CYTH3: variants seen among roughly 807,000 people sequenced by gnomAD.
The protein encoded by CYTH3 is cytohesin 3, also known as cytohesin-3.
Under a neutral mutation model 55.1 loss-of-function variants are expected in CYTH3, and 23 were observed. That is an observed-to-expected ratio of 0.42 (90% CI 0.30 to 0.59). The LOEUF (loss-of-function observed/expected upper bound fraction) is 0.59, where lower values mean the gene tolerates loss of function less well. Ranked by LOEUF, CYTH3 falls within the 20% of genes least tolerant of loss-of-function variation. The probability of loss-of-function intolerance (pLI) is 0.20; values close to 1 mark genes in which losing one functional copy is unlikely to be tolerated. For synonymous variants in CYTH3, 249 were observed against 194.9 expected (o/e 1.28, Z -2.31); for missense variants, 413 against 524.8 (o/e 0.79, Z 2.08).
intron 4 of CYTH3, among the ~76,000 whole-genome samples, chr7:6,185,057 T>C (rs1478436515): frequency 6.6e-6 from 1 of 152,194 alleles, no homozygotes; most frequent in Non-Finnish European, 1.5e-5. Flanking sequence ...CCAATGCTTA[T>C]TACATCTGCT....
Position 6,170,860 on chromosome 7 carries a change from C to T in CYTH3, c.681G>A (p.Glu227=). The T allele has an allele frequency of 1.9e-6, 3 of 1,613,128 alleles. No homozygotes were observed. Among genetic ancestry groups the T allele is most frequent in the South Asian group, 1.1e-5 (1 of 90,992 alleles). The change falls in exon 8 of 13, where the codon GAG becomes GAA. Residue 227 remains glutamate, a synonymous_variant. Coordinates refer to ENST00000350796, the MANE Select transcript of CYTH3 (RefSeq NM_004227.4). This position sits in a 1 kb window ranked among gnomAD's most constrained non-coding sequence, Gnocchi z 7.8. ...GCAGCTCCTCAGGGAGGTCCCCGCC[C>T]TCGTTGATGCCGCGGTTCATGGCGA... is the stretch of plus-strand genomic sequence containing the variant. The part of the protein sequence containing the change: ...RFIAMNRGIN[E]GGDLPEELLR...
chr7:6,231,782 AT>A (rs1779396532), intron 1 of CYTH3, among the ~76,000 whole-genome samples: 1 of 152,208 alleles, frequency 6.6e-6, no homozygotes, highest in Non-Finnish European at 1.5e-5. Context: ...CCCATTTATA[AT>A]TGGAAAATTG....
At chr7:6,242,328 G>A (rs902645302) in intron 1 of CYTH3, among the ~76,000 whole-genome samples, 1 of 150,482 alleles carries the variant, frequency 6.6e-6, no homozygotes, top group Non-Finnish European at 1.5e-5. Context: ...CACCCGCCTC[G>A]GCCTCCCAAA....
chr7:6,198,741 T>A (rs1438825971), intron 1 of CYTH3, among the ~76,000 whole-genome samples: 1 of 147,470 alleles, frequency 6.8e-6, no homozygotes, highest in African/African-American at 2.5e-5. Flanking sequence ...AGGCATACAA[T>A]GAAAACTTCC....
chr7:6,173,152 C>A (rs1783247109), intron 6 of CYTH3: 1 of 808,354 alleles, frequency 1.2e-6, no homozygotes, highest in South Asian at 4.9e-5. Flanking sequence ...AGCGAGACAA[C>A]TTCCTGCTTG....
chr7:6,247,671 A>T (rs1779855608), intron 1 of CYTH3, among the ~76,000 whole-genome samples: 1 of 151,944 alleles, frequency 6.6e-6, no homozygotes, highest in African/African-American at 2.4e-5. Context: ...TATTTTTGAG[A>T]CAGGGTCTGT....
rs186227188 is a variant in CYTH3 at position 6,213,697 on chromosome 7, C to A, written c.35-23166G>T. 1.1e-4 allele frequency among the ~76,000 whole-genome samples: 17 copies of A among 152,058 alleles called. No homozygotes were observed. The East Asian group carries it at 2.7e-3, about 24-fold the overall frequency. ...TATCTCACAGCTTTGGTGCTCTCTT[C>A]GGGTGTCTGAAGACACAATCTCATG... On this transcript the variant is annotated intron_variant, in intron 1 of 12. Transcript: ENST00000350796.
intron 1 of CYTH3, among the ~76,000 whole-genome samples, chr7:6,209,648 T>G (rs1424965469): frequency 2.0e-5 from 3 of 152,190 alleles, no homozygotes; most frequent in Non-Finnish European, 4.4e-5. Context: ...TATGTCCACA[T>G]GAAAATCTGC....
At chr7:6,203,959 C>T (rs1784122566) in intron 1 of CYTH3, among the ~76,000 whole-genome samples, 2 of 151,784 alleles carry the variant, frequency 1.3e-5, no homozygotes, top group Admixed American at 1.3e-4. Context: ...CCTCGTGATC[C>T]ACCCGCCTCA....
chr7:6,262,504 A>AT (rs909312495), intron 1 of CYTH3, among the ~76,000 whole-genome samples: 1 of 152,208 alleles, frequency 6.6e-6, no homozygotes, highest in Non-Finnish European at 1.5e-5. Flanking sequence ...AAGAGTGACA[A>AT]TAAGACTGAT....
At chr7:6,227,756 G>C (rs1419828743) in intron 1 of CYTH3, among the ~76,000 whole-genome samples, 2 of 152,216 alleles carry the variant, frequency 1.3e-5, no homozygotes, top group Non-Finnish European at 2.9e-5. Context: ...AATTCTCTGT[G>C]CATGTTCCAG....
Position 6,169,629 on chromosome 7 carries a change from T to C in CYTH3, c.823+906A>G, listed in dbSNP as rs1267233273. 2.0e-5 allele frequency among the ~76,000 whole-genome samples: 3 copies of C among 152,192 alleles called. No individual in the cohort carries two copies. Among genetic ancestry groups the C allele is most frequent in the Non-Finnish European group, 4.4e-5 (3 of 68,030 alleles). ...AGCTACCGCATCTCGCCCGCTTCAC[T>C]GTGGGCATAAGGCAACCATCCCCGC... is the stretch of plus-strand genomic sequence containing the variant. On this transcript the variant is annotated intron_variant, in intron 9 of 12. Coordinates refer to ENST00000350796, the MANE Select transcript of CYTH3 (RefSeq NM_004227.4). This position sits in a 1 kb window ranked among gnomAD's most constrained non-coding sequence, Gnocchi z 4.1.
chr7:6,245,157 G>A (rs1006126076), intron 1 of CYTH3, among the ~76,000 whole-genome samples: 4 of 151,416 alleles, frequency 2.6e-5, no homozygotes, highest in Admixed American at 6.6e-5. Context: ...AAATTGCTAC[G>A]TGAAGAGATT....
In CYTH3 at chr7:6,167,115, C is replaced by T. The variant is rs572600311; in HGVS notation, c.824-1305G>A. ...ACTGTGGCACCGCCTCACTGGTCCCCTTTAAGACCCAGCCAGGCCCACAGC... is the reference window on the plus strand; with the variant it reads ...ACTGTGGCACCGCCTCACTGGTCCCTTTTAAGACCCAGCCAGGCCCACAGC... On this transcript the variant is annotated intron_variant, in intron 9 of 12. Coordinates refer to ENST00000350796, the MANE Select transcript of CYTH3 (RefSeq NM_004227.4). This position sits in a 1 kb window ranked among gnomAD's most constrained non-coding sequence, Gnocchi z 5.5. 1.6e-4 allele frequency among the ~76,000 whole-genome samples: 24 copies of T among 152,308 alleles called. No homozygotes were observed. In the South Asian group the frequency reaches 4.6e-3, roughly 29 times the overall value.
At chr7:6,190,054 AAAC>A (rs1783758961) in intron 2 of CYTH3, among the ~76,000 whole-genome samples, 1 of 152,124 alleles carries the variant, frequency 6.6e-6, no homozygotes. Context: ...AAAAAGAAAA[AAAC>A]AAACAAAAAA....
intron 4 of CYTH3, among the ~76,000 whole-genome samples, chr7:6,178,839 C>T (rs778973985): frequency 6.6e-6 from 1 of 152,238 alleles, no homozygotes; most frequent in Non-Finnish European, 1.5e-5. Flanking sequence ...TGGCCTGAAT[C>T]AGCTGAGCAC....
intron 1 of CYTH3, among the ~76,000 whole-genome samples, chr7:6,244,841 T>A (rs973769172): frequency 6.7e-5 from 10 of 149,786 alleles, no homozygotes; most frequent in African/African-American, 1.5e-4. Flanking sequence ...CAGGCTGGAG[T>A]GCGGTGGTGC....
At chr7:6,176,647 C>CTA (rs996400044) in intron 5 of CYTH3, among the ~76,000 whole-genome samples, 2 of 152,120 alleles carry the variant, frequency 1.3e-5, no homozygotes, top group African/African-American at 4.8e-5. Flanking sequence ...TTAGGATATT[C>CTA]TATATATATG....
At chr7:6,250,456 A>C (rs896499554) in intron 1 of CYTH3, among the ~76,000 whole-genome samples, 1 of 152,194 alleles carries the variant, frequency 6.6e-6, no homozygotes, top group African/African-American at 2.4e-5. Flanking sequence ...CACTCCCAAC[A>C]CTAAAACCAA....
Sources: allele counts gnomAD v4.1 joint callset (sites outside exome capture counted in the v4.1 genomes callset), GRCh38; gene constraint gnomAD v4.1.1; non-coding constraint Gnocchi (gnomAD v3.1); transcripts MANE v1.5; gene names NCBI Gene and HGNC (gene_info 2026-07-23, HGNC 2026-07-21).